Variants in LNPK observed in about 807,000 individuals in gnomAD.
LNPK encodes endoplasmic reticulum junction formation protein lunapark.
Under a neutral mutation model 55.2 loss-of-function variants are expected in LNPK, and 29 were observed. That is an observed-to-expected ratio of 0.53 (90% CI 0.39 to 0.72). The LOEUF (loss-of-function observed/expected upper bound fraction) is 0.72, where lower values mean the gene tolerates loss of function less well. LNPK is among the 30% of genes least tolerant of loss of function. The probability of loss-of-function intolerance (pLI) is 0.00; values close to 1 mark genes in which losing one functional copy is unlikely to be tolerated. For missense variants in LNPK, 467 were observed against 494.8 expected, an observed-to-expected ratio of 0.94 and a Z score of 0.53; for synonymous variants, 162 against 168.2, an observed-to-expected ratio of 0.96 and a Z score of 0.29.
intron 8 of LNPK, among the ~76,000 whole-genome samples, chr2:175,957,862 G>T (rs965481555): frequency 4.6e-5 from 7 of 152,218 alleles, no homozygotes; most frequent in African/African-American, 1.4e-4. Context: ...CCCTAATACT[G>T]TGCTTTTCCA....
intron 8 of LNPK, among the ~76,000 whole-genome samples, chr2:175,953,765 T>C (rs1685541380): frequency 7.7e-6 from 1 of 130,524 alleles, no homozygotes; most frequent in Non-Finnish European, 1.6e-5. Flanking sequence ...ATAACCTCCA[T>C]GTTACTAAAA....
At chr2:175,966,938 A>C (rs1186858011) in intron 6 of LNPK, among the ~76,000 whole-genome samples, 2 of 152,202 alleles carry the variant, frequency 1.3e-5, no homozygotes, top group Non-Finnish European at 2.9e-5. Context: ...ATATTAACAT[A>C]ATTTTCAGAG....
In LNPK at chr2:175,924,613, C is replaced by T. The variant is rs1683923582; in HGVS notation, c.*5354G>A. On this transcript the variant is annotated 3_prime_UTR_variant, in exon 13 of 13. Transcript: ENST00000272748. ...GGCTTGGCTCAGGTGCCTGCTATCC[C>T]TATGACCCTGTGTCTTAGCCCATTT... The T allele has an allele frequency of 6.6e-6, 1 of 151,620 alleles. No homozygotes were observed. Among genetic ancestry groups the T allele is most frequent in the Non-Finnish European group, 1.5e-5 (1 of 67,984 alleles). The allele number at this position is 151,620 out of a possible 1,614,324, so 9.4% of individuals were successfully genotyped here.
At chr2:175,957,345 G>A (rs565219913) in intron 8 of LNPK, among the ~76,000 whole-genome samples, 1 of 151,990 alleles carries the variant, frequency 6.6e-6, no homozygotes, top group East Asian at 1.9e-4. Context: ...GTGATACAGT[G>A]AGACTTCATC....
chr2:175,927,629 A>G lies in LNPK; in HGVS notation c.*2338T>C, dbSNP rs62186993. ...TGTTTGTAGATCATGCTCAGGACAT[A>G]GAAGAATTTAGATGACCCACTGAAC... is the stretch of plus-strand genomic sequence containing the variant. On this transcript the variant is annotated 3_prime_UTR_variant, in exon 13 of 13. Coordinates refer to ENST00000272748, the MANE Select transcript of LNPK (RefSeq NM_030650.3). The G allele has an allele frequency of 0.059, 9,009 of 152,264 alleles. 349 individuals are homozygous for G. The highest frequency in any genetic ancestry group is 0.097 in the South Asian group (467 of 4,828). The allele number at this position is 152,264 out of a possible 1,614,324, so 9.4% of individuals were successfully genotyped here. A position where few individuals can be genotyped will look rare whatever the true frequency, so the allele number is the denominator to read the frequency against.
At chr2:175,955,437 G>C (rs1471589841) in intron 8 of LNPK, among the ~76,000 whole-genome samples, 6 of 152,168 alleles carry the variant, frequency 3.9e-5, no homozygotes, top group Non-Finnish European at 8.8e-5. Flanking sequence ...GTGAGACACA[G>C]ATAAGCTGTC....
intron 4 of LNPK, among the ~76,000 whole-genome samples, chr2:175,981,859 C>T (rs557878154): frequency 7.6e-4 from 116 of 152,290 alleles, no homozygotes; most frequent in African/African-American, 2.6e-3. Flanking sequence ...TCTTAACATT[C>T]CTGCCCCTCA....
At chr2:175,953,862 A>G (rs568505873) in intron 8 of LNPK, among the ~76,000 whole-genome samples, 5 of 152,270 alleles carry the variant, frequency 3.3e-5, no homozygotes, top group African/African-American at 1.2e-4. Context: ...TGTATAAGAT[A>G]AAGTCCTGAA....
intron 6 of LNPK, chr2:175,967,723 T>C (rs1418705643): frequency 3.1e-6 from 3 of 974,080 alleles, no homozygotes; most frequent in East Asian, 1.1e-4. Context: ...TCAGATGTTA[T>C]ATCATTTTCT....
rs571068660 is a variant in LNPK at position 175,980,550 on chromosome 2, G to T, written c.258-682C>A. ...ATAATCCTCATCACAAACTTGTCAG[G>T]GTCATCTCCTAAATTCAATGTAAAC... On this transcript the variant is annotated intron_variant, in intron 4 of 12. Transcript: ENST00000272748. Among the ~76,000 whole-genome samples, 8 of 152,202 alleles carry T rather than the reference G, an allele frequency of 5.3e-5. 1 individual carries two copies. In the East Asian group the frequency reaches 9.7e-4, roughly 18 times the overall value.
intron 9 of LNPK, chr2:175,940,957 C>G: frequency 2.2e-6 from 1 of 454,062 alleles, no homozygotes; most frequent in East Asian, 7.1e-5. Context: ...AGAAACCATA[C>G]AAAATGACAA....
intron 4 of LNPK, among the ~76,000 whole-genome samples, chr2:175,988,348 A>G (rs1687525484): frequency 6.6e-6 from 1 of 151,784 alleles, no homozygotes. Flanking sequence ...CTAAAAAAAA[A>G]ACAAAAAACA....
At chr2:175,947,781 G>T in intron 8 of LNPK, 89 bp from the exon 9 acceptor site, 1 of 826,916 alleles carries the variant, frequency 1.2e-6, no homozygotes, top group Non-Finnish European at 1.8e-6. Flanking sequence ...AAAATTTTAC[G>T]CCCCAAAAGG....
chr2:175,970,950 T>C (rs1351245165), intron 5 of LNPK, 146 bp from the exon 6 acceptor site: 1 of 613,850 alleles, frequency 1.6e-6, no homozygotes, highest in East Asian at 4.7e-5. Flanking sequence ...AAAAATTATC[T>C]CCATCTTCAC....
intron 4 of LNPK, among the ~76,000 whole-genome samples, chr2:175,989,805 T>C (rs1687609878): frequency 6.6e-6 from 1 of 152,210 alleles, no homozygotes; most frequent in African/African-American, 2.4e-5. Flanking sequence ...TGTGGAATTA[T>C]ATTAAACTCC....
rs572547387 is a variant in LNPK at position 175,930,774 on chromosome 2, C to T, written c.1055-575G>A. 7.3e-4 allele frequency among the ~76,000 whole-genome samples: 111 copies of T among 152,192 alleles called. 1 individual carries two copies. The Middle Eastern group carries it at 0.02, about 28-fold the overall frequency. On this transcript the variant is annotated intron_variant, in intron 12 of 12. Coordinates refer to ENST00000272748, the MANE Select transcript of LNPK (RefSeq NM_030650.3). ...GTTTCTATCTTTTCCAAAGGCATGACTAGTCTCTCCTCATCCCTCTGCAAG... is the reference window on the plus strand; with the variant it reads ...GTTTCTATCTTTTCCAAAGGCATGATTAGTCTCTCCTCATCCCTCTGCAAG...
rs1684091869 is a variant in LNPK, at chr2:175,928,178, C to A, written c.*1789G>T. The A allele has an allele frequency of 6.6e-6, 1 of 152,084 alleles. No individual in the cohort carries two copies. The highest frequency in any genetic ancestry group is 6.5e-5 in the Admixed American group (1 of 15,268). 9.4% of individuals were successfully genotyped at this position (152,084 alleles called of 1,614,324 possible). A position where few individuals can be genotyped will look rare whatever the true frequency, so the allele number is the denominator to read the frequency against. ...TGATGCAAAAAACATTGGCTTGAATCTGAGAAGCTGAATTACATGTTCGTA... is the reference window on the plus strand; with the variant it reads ...TGATGCAAAAAACATTGGCTTGAATATGAGAAGCTGAATTACATGTTCGTA... On this transcript the variant is annotated 3_prime_UTR_variant, in exon 13 of 13. Transcript: ENST00000272748.
chr2:175,995,094 G>A (rs1201651806), intron 2 of LNPK, among the ~76,000 whole-genome samples: 1 of 151,684 alleles, frequency 6.6e-6, no homozygotes, highest in African/African-American at 2.4e-5. Flanking sequence ...GCTAATTTTT[G>A]TATTTTTAGT....
At chr2:175,938,478 A>T in intron 10 of LNPK, 95 bp from the exon 11 acceptor site, 1 of 576,364 alleles carries the variant, frequency 1.7e-6, no homozygotes, top group Admixed American at 2.8e-5. Context: ...TTATATTTTA[A>T]CACAGCTAAA....
Sources: allele counts gnomAD v4.1 joint callset (sites outside exome capture counted in the v4.1 genomes callset), GRCh38; gene constraint gnomAD v4.1.1; transcripts MANE v1.5; gene names NCBI Gene and HGNC (gene_info 2026-07-23, HGNC 2026-07-21).